CALD1: variants seen among roughly 807,000 people sequenced by gnomAD.
The protein encoded by CALD1 is caldesmon.
CALD1 carries 33 observed loss-of-function variants against 99.9 expected under a neutral mutation model. The observed-to-expected ratio is 0.33, with a 90% CI of 0.25 to 0.44. The LOEUF (loss-of-function observed/expected upper bound fraction) is 0.44, where lower values mean the gene tolerates loss of function less well. Ranked by LOEUF, CALD1 falls within the 20% of genes least tolerant of loss-of-function variation. The pLI is 1.00. For synonymous variants in CALD1, 310 were observed against 325.0 expected, an observed-to-expected ratio of 0.95 and a Z score of 0.50; for missense variants, 861 against 962.1, an observed-to-expected ratio of 0.89 and a Z score of 1.39.
intron 1 of CALD1, among the ~76,000 whole-genome samples, chr7:134,798,587 C>T (rs898631899): frequency 1.3e-5 from 2 of 152,322 alleles, no homozygotes; most frequent in South Asian, 2.1e-4. Context: ...ACCTGAGTGA[C>T]GTTCCCCCAA....
chr7:134,804,033 ATAGATTCATTTGTCT>A (rs1798044077), intron 1 of CALD1, among the ~76,000 whole-genome samples: 1 of 152,156 alleles, frequency 6.6e-6, no homozygotes, highest in South Asian at 2.1e-4. Context: ...TTTCTGTTCT[ATAGATTCATTTGTCT>A]TTTCTTGCAA....
intron 2 of CALD1, among the ~76,000 whole-genome samples, chr7:134,865,339 C>T (rs3800747): frequency 0.21 from 31,458 of 151,764 alleles, 4,081 homozygotes; most frequent in African/African-American, 0.37. Flanking sequence ...CATACAGCTT[C>T]TCTCCCCCAC....
chr7:134,776,420 TA>T (rs1796919341), upstream of CALD1, among the ~76,000 whole-genome samples: 2 of 152,224 alleles, frequency 1.3e-5, no homozygotes, highest in Non-Finnish European at 2.9e-5. Flanking sequence ...ATTTTATTTT[TA>T]AACTGCTAAT....
At chr7:134,765,188 G>C (rs538292892) in intron 1 of CALD1, among the ~76,000 whole-genome samples, 9 of 152,034 alleles carry the variant, frequency 5.9e-5, no homozygotes, top group African/African-American at 2.2e-4. Flanking sequence ...GGTGGTGCAC[G>C]CCTGTAATCC....
chr7:134,852,046 T>C (rs909151565), intron 2 of CALD1, among the ~76,000 whole-genome samples: 4 of 152,080 alleles, frequency 2.6e-5, no homozygotes, highest in African/African-American at 9.7e-5. Context: ...TCAGAGGAGA[T>C]GTAGGCCTTG....
chr7:134,809,410 C>T (rs1798271758), intron 1 of CALD1, among the ~76,000 whole-genome samples: 1 of 152,164 alleles, frequency 6.6e-6, no homozygotes, highest in African/African-American at 2.4e-5. Flanking sequence ...TTTGCGCTTC[C>T]ATTTCCTCAT....
intron 3 of CALD1, among the ~76,000 whole-genome samples, chr7:134,922,613 C>A (rs148239750): frequency 7.2e-5 from 11 of 152,320 alleles, no homozygotes; most frequent in African/African-American, 2.6e-4. Flanking sequence ...TCGGGGGACA[C>A]TGGGGCAAGA....
chr7:134,948,863 C>G (rs1272850222), intron 8 of CALD1, among the ~76,000 whole-genome samples: 1 of 151,188 alleles, frequency 6.6e-6, no homozygotes, highest in Non-Finnish European at 1.5e-5. Flanking sequence ...TTAAACACAC[C>G]CCAGGCTTTT....
At chr7:134,807,071 T>G (rs989869746) in intron 1 of CALD1, among the ~76,000 whole-genome samples, 20 of 141,360 alleles carry the variant, frequency 1.4e-4, no homozygotes, top group African/African-American at 4.9e-4. Flanking sequence ...CGGAGGAAGA[T>G]TCTCAGTTTG....
At chr7:134,831,644 A>G (rs1799226581) in intron 1 of CALD1, among the ~76,000 whole-genome samples, 1 of 152,140 alleles carries the variant, frequency 6.6e-6, no homozygotes, top group Non-Finnish European at 1.5e-5. Flanking sequence ...TATTTTCTAT[A>G]ATAAAATGCA....
At chr7:134,838,594 G>T (rs193294148) in intron 1 of CALD1, among the ~76,000 whole-genome samples, 2 of 152,258 alleles carry the variant, frequency 1.3e-5, no homozygotes, top group Admixed American at 6.5e-5. Context: ...TCTAAGATAT[G>T]GTAAGCCAAA....
intron 3 of CALD1, among the ~76,000 whole-genome samples, chr7:134,871,936 C>T (rs957543117): frequency 2.0e-5 from 3 of 152,242 alleles, no homozygotes; most frequent in African/African-American, 7.2e-5. Context: ...TTGTGCCATG[C>T]TGGCTTGCAT....
At chr7:134,789,249 G>A (rs571856105) in intron 1 of CALD1, among the ~76,000 whole-genome samples, 2 of 152,142 alleles carry the variant, frequency 1.3e-5, no homozygotes, top group South Asian at 4.1e-4. Context: ...ACTGAGTTAC[G>A]ATTAGATTAA....
At chr7:134,917,010 C>G (rs1804257509) in intron 3 of CALD1, among the ~76,000 whole-genome samples, 1 of 152,146 alleles carries the variant, frequency 6.6e-6, no homozygotes, top group South Asian at 2.1e-4. Context: ...TCATTGCATC[C>G]AACTTAGCCA....
At chr7:134,823,069 C>A (rs1798845672) in intron 1 of CALD1, among the ~76,000 whole-genome samples, 1 of 152,106 alleles carries the variant, frequency 6.6e-6, no homozygotes, top group Non-Finnish European at 1.5e-5. Context: ...TCCACATGCC[C>A]CCTTAAAATG....
intron 1 of CALD1, among the ~76,000 whole-genome samples, chr7:134,785,888 T>C (rs993087693): frequency 6.6e-6 from 1 of 152,238 alleles, no homozygotes; most frequent in Non-Finnish European, 1.5e-5. Flanking sequence ...GAACTGAATA[T>C]ATAAATTCAT....
chr7:134,816,755 A>G (rs1798578598), intron 1 of CALD1, among the ~76,000 whole-genome samples: 1 of 152,160 alleles, frequency 6.6e-6, no homozygotes, highest in African/African-American at 2.4e-5. Context: ...TCAAATAGAC[A>G]CTGGAGAAGA....
chr7:134,782,277 G>A (rs1384610009), intron 1 of CALD1, among the ~76,000 whole-genome samples: 3 of 152,136 alleles, frequency 2.0e-5, no homozygotes, highest in Admixed American at 6.5e-5. Context: ...CTGATAGAGT[G>A]GTATGCAAAT....
At chr7:134,894,798 T>A (rs1401489677) in intron 3 of CALD1, among the ~76,000 whole-genome samples, 1 of 152,216 alleles carries the variant, frequency 6.6e-6, no homozygotes, top group Non-Finnish European at 1.5e-5. Context: ...ACTTGCGGTT[T>A]AATATTTTCA....
Sources: allele counts gnomAD v4.1 joint callset (sites outside exome capture counted in the v4.1 genomes callset), GRCh38; gene constraint gnomAD v4.1.1; transcripts MANE v1.5; gene names NCBI Gene and HGNC (gene_info 2026-07-23, HGNC 2026-07-21).